The following RTL4 variants were observed in gnomAD, a reference collection of about 807,000 sequenced individuals.
RTL4 encodes retrotransposon Gag like 4, also known as retrotransposon Gag-like protein 4.
RTL4 carries 4 observed loss-of-function variants against 5.3 expected under a neutral mutation model. That is an observed-to-expected ratio of 0.75 (90% confidence interval 0.37 to 1.72). The LOEUF (loss-of-function observed/expected upper bound fraction) is 1.72. Ranked by LOEUF, RTL4 falls within the 40% of genes most tolerant of loss-of-function variation. RTL4 has a pLI of 0.04. For missense variants in RTL4, 260 were observed against 227.1 expected (o/e 1.14, Z -0.93); for synonymous variants, 98 against 87.3 (o/e 1.12, Z -0.68).
the RTL4 span, among the ~76,000 whole-genome samples, chrX:112,324,370 C>G: frequency 9.0e-6 from 1 of 111,614 alleles, no homozygotes; most frequent in African/African-American, 3.3e-5. Context: ...TCTATTTTTG[C>G]TTTTGTTTCC....
At chrX:112,139,119 A>T in the RTL4 span, among the ~76,000 whole-genome samples, 1 of 111,017 alleles carries the variant, frequency 9.0e-6, no homozygotes, top group Admixed American at 9.7e-5. Context: ...ATGTTTTCTC[A>T]TTATTAGACT....
the RTL4 span, among the ~76,000 whole-genome samples, chrX:112,089,291 C>G: frequency 9.0e-6 from 1 of 110,984 alleles, no homozygotes; most frequent in African/African-American, 3.3e-5. Context: ...GTTACTTATG[C>G]TTTCAGTGTT....
the RTL4 span, among the ~76,000 whole-genome samples, chrX:112,373,289 G>A: frequency 9.0e-6 from 1 of 111,353 alleles, no homozygotes; most frequent in Non-Finnish European, 1.9e-5. Flanking sequence ...TGAACACTCA[G>A]TATCATCATC....
chrX:112,154,814 G>A, the RTL4 span, among the ~76,000 whole-genome samples: 627 of 110,970 alleles, frequency 5.7e-3, 3 homozygotes, highest in Middle Eastern at 0.019. Context: ...TATTTTTTTG[G>A]GCAAGCACAC....
At chrX:112,178,605 T>C in the RTL4 span, among the ~76,000 whole-genome samples, 5 of 111,872 alleles carry the variant, frequency 4.5e-5, no homozygotes, top group African/African-American at 1.6e-4. Context: ...AAAAACTGTT[T>C]GCTTAACTGA....
chrX:112,122,198 T>C, the RTL4 span, among the ~76,000 whole-genome samples: 2 of 111,426 alleles, frequency 1.8e-5, no homozygotes, highest in African/African-American at 6.5e-5. Flanking sequence ...CATCAACAGA[T>C]GAATGGATAA....
chrX:112,437,232 T>C, the RTL4 span, among the ~76,000 whole-genome samples: 2 of 111,749 alleles, frequency 1.8e-5, no homozygotes, highest in African/African-American at 6.5e-5. Flanking sequence ...CTGATGCTTC[T>C]ATCAACACCA....
At chrX:112,326,247 T>A in the RTL4 span, among the ~76,000 whole-genome samples, 1 of 111,502 alleles carries the variant, frequency 9.0e-6, no homozygotes, top group African/African-American at 3.3e-5. Context: ...GGTGCCGGGT[T>A]CATCTCACTA....
chrX:112,227,974 C>T, the RTL4 span, among the ~76,000 whole-genome samples: 1 of 111,633 alleles, frequency 9.0e-6, no homozygotes, highest in African/African-American at 3.3e-5. Flanking sequence ...GAACAGCTCC[C>T]TGAATTTCCA....
the RTL4 span, among the ~76,000 whole-genome samples, chrX:112,148,015 G>C: frequency 9.0e-6 from 1 of 111,258 alleles, no homozygotes; most frequent in Non-Finnish European, 1.9e-5. Flanking sequence ...CCACTAGTTG[G>C]AATCACATTC....
the RTL4 span, among the ~76,000 whole-genome samples, chrX:112,422,290 C>T: frequency 9.0e-6 from 1 of 111,432 alleles, no homozygotes; most frequent in African/African-American, 3.3e-5. Context: ...TCTAGGTACT[C>T]TCTTATTTAA....
At chrX:112,224,144 G>T in the RTL4 span, among the ~76,000 whole-genome samples, 1 of 110,836 alleles carries the variant, frequency 9.0e-6, no homozygotes, top group South Asian at 3.8e-4. Context: ...TGAGACTGCT[G>T]GGCGGTCAGA....
the RTL4 span, among the ~76,000 whole-genome samples, chrX:112,240,283 A>T: frequency 8.1e-5 from 9 of 111,684 alleles, no homozygotes; most frequent in Non-Finnish European, 1.3e-4. Context: ...ACAAAGAGGA[A>T]AATAGGATGA....
At chrX:112,446,826 AAC>A in the RTL4 span, among the ~76,000 whole-genome samples, 5 of 111,944 alleles carry the variant, frequency 4.5e-5, no homozygotes, top group Non-Finnish European at 9.4e-5. Context: ...TCACCTAGGC[AAC>A]AGAGTGAGAC....
At chrX:112,297,316 AG>A in the RTL4 span, among the ~76,000 whole-genome samples, 1 of 111,352 alleles carries the variant, frequency 9.0e-6, no homozygotes, top group South Asian at 3.8e-4. Context: ...TAAAGAAAAG[AG>A]GTTTAACTGG....
the RTL4 span, among the ~76,000 whole-genome samples, chrX:112,286,013 A>G: frequency 8.9e-6 from 1 of 111,993 alleles, no homozygotes; most frequent in African/African-American, 3.2e-5. Flanking sequence ...AAAGAAGTCT[A>G]ATGAGTGTTT....
chrX:112,439,515 T>C, the RTL4 span, among the ~76,000 whole-genome samples: 1 of 111,974 alleles, frequency 8.9e-6, no homozygotes, highest in East Asian at 2.8e-4. Context: ...TTTGAGATGA[T>C]ACTACCCACA....
chrX:112,283,017 T>C, the RTL4 span, among the ~76,000 whole-genome samples: 2 of 111,707 alleles, frequency 1.8e-5, no homozygotes, highest in African/African-American at 6.5e-5. Context: ...TTTGGAAACG[T>C]AAGTACTTGG....
At chrX:112,253,067 C>G in the RTL4 span, among the ~76,000 whole-genome samples, 1 of 111,598 alleles carries the variant, frequency 9.0e-6, no homozygotes, top group Non-Finnish European at 1.9e-5. Flanking sequence ...CGTTTTGAAC[C>G]ATTTTTAAGA....
Sources: allele counts gnomAD v4.1 joint callset (sites outside exome capture counted in the v4.1 genomes callset), GRCh38; gene constraint gnomAD v4.1.1; transcripts MANE v1.5; gene names NCBI Gene and HGNC (gene_info 2026-07-23, HGNC 2026-07-21).